DNAH3: variants seen among roughly 807,000 people sequenced by gnomAD.
DNAH3 encodes the protein dynein axonemal heavy chain 3, also known as axonemal beta dynein heavy chain 3.
A neutral mutation model predicts 432.5 loss-of-function variants in DNAH3; 332 were observed. That is an observed-to-expected ratio of 0.77 (90% confidence interval 0.70 to 0.84). The LOEUF is 0.84. DNAH3 is among the 40% of genes least tolerant of loss of function. DNAH3 has a pLI of 0.00. For synonymous variants in DNAH3, 1,956 were observed against 1,900.2 expected (o/e 1.03, Z -0.76); for missense variants, 4,861 against 5,114.0 (o/e 0.95, Z 1.51).
chr16:20,988,647 TAA>T (rs1244937303), intron 44 of DNAH3, among the ~76,000 whole-genome samples: 4 of 152,250 alleles, frequency 2.6e-5, no homozygotes, highest in Non-Finnish European at 2.9e-5. Flanking sequence ...ATGATCATTG[TAA>T]AAGAGTCTAT....
intron 44 of DNAH3, among the ~76,000 whole-genome samples, chr16:20,996,009 T>A (rs2086747978): frequency 6.6e-6 from 1 of 152,252 alleles, no homozygotes; most frequent in African/African-American, 2.4e-5. Context: ...TGGTTTGCTG[T>A]CACCCAATTT....
intron 38 of DNAH3, among the ~76,000 whole-genome samples, chr16:21,026,700 CAAAAAA>C (rs35667454): frequency 2.1e-5 from 1 of 47,810 alleles, no homozygotes; most frequent in Non-Finnish European, 4.1e-5. Flanking sequence ...TACTCCGTCT[CAAAAAA>C]AAAAAAAAAA....
At chr16:21,009,847 T>A (rs1411514722) in intron 41 of DNAH3, among the ~76,000 whole-genome samples, 1 of 141,648 alleles carries the variant, frequency 7.1e-6, no homozygotes, top group South Asian at 2.3e-4. Flanking sequence ...ACTACGCCAC[T>A]GCACTCCAGC....
At chr16:21,042,746 G>A (rs910769853) in intron 31 of DNAH3, among the ~76,000 whole-genome samples, 4 of 151,700 alleles carry the variant, frequency 2.6e-5, no homozygotes, top group Admixed American at 1.3e-4. Flanking sequence ...ATATATACAT[G>A]TGCCATGCTG....
At chr16:20,988,960 C>T (rs968032868) in intron 44 of DNAH3, among the ~76,000 whole-genome samples, 2 of 152,140 alleles carry the variant, frequency 1.3e-5, no homozygotes, top group Non-Finnish European at 2.9e-5. Flanking sequence ...GACTCGTGGT[C>T]TCGCTGGCTT....
At chr16:21,107,546 A>G (rs2091976673) in intron 14 of DNAH3, among the ~76,000 whole-genome samples, 2 of 151,844 alleles carry the variant, frequency 1.3e-5, no homozygotes, top group South Asian at 4.2e-4. Context: ...AGCCTTAATC[A>G]TTGCTTTTAA....
chr16:21,057,041 A>G (rs2090160166), intron 27 of DNAH3, among the ~76,000 whole-genome samples: 1 of 152,198 alleles, frequency 6.6e-6, no homozygotes, highest in African/African-American at 2.4e-5. Context: ...ATCCTCTAAG[A>G]GGAGTAACAG....
At chr16:21,092,698 CAAAAAAAAAAAAAA>C (rs61277332) in intron 18 of DNAH3, among the ~76,000 whole-genome samples, 1 of 11,538 alleles carries the variant, frequency 8.7e-5, no homozygotes, top group Non-Finnish European at 1.6e-4. Flanking sequence ...AAAATATTTG[CAAAAAAAAAAAAAA>C]AAAAAAAAAA....
intron 23 of DNAH3, among the ~76,000 whole-genome samples, chr16:21,067,763 G>GGGGC: frequency 1.2e-5 from 1 of 85,780 alleles, no homozygotes; most frequent in South Asian, 6.2e-4. Flanking sequence ...GTCTTGGGGG[G>GGGGC]GGGGGTGGGG....
At chr16:21,124,761 T>C (rs958948726) in intron 9 of DNAH3, among the ~76,000 whole-genome samples, 1 of 152,184 alleles carries the variant, frequency 6.6e-6, no homozygotes, top group African/African-American at 2.4e-5. Context: ...GCAATTCTCC[T>C]GCCTCAGCCT....
intron 57 of DNAH3, among the ~76,000 whole-genome samples, chr16:20,947,338 T>C (rs1226735088): frequency 2.0e-5 from 3 of 152,206 alleles, no homozygotes; most frequent in Non-Finnish European, 2.9e-5. Context: ...TCTCTTCATC[T>C]ATATCTTTTG....
At chr16:20,946,546 G>A (rs1014690412) in intron 57 of DNAH3, among the ~76,000 whole-genome samples, 7 of 152,154 alleles carry the variant, frequency 4.6e-5, no homozygotes, top group African/African-American at 1.7e-4. Context: ...ATTTTACAGG[G>A]TAAGAAAGAG....
At position 20,974,083 on chromosome 16, in the gene DNAH3, G is replaced by A. The variant is rs539168257; in HGVS notation, c.8259+1150C>T. ...GTCACCCAGGCTGGAGTGCAGTGGT[G>A]CGACCTGGACCCACTGTAGCCTCGA... On this transcript the variant is annotated intron_variant, in intron 51 of 61. Transcript: ENST00000261383. 7.2e-5 allele frequency among the ~76,000 whole-genome samples: 11 copies of A among 152,228 alleles called. No individual in the cohort carries two copies. In the South Asian group the frequency reaches 2.1e-3, roughly 29 times the overall value.
intron 14 of DNAH3, 107 bp from the exon 15 acceptor site, chr16:21,106,781 GAA>G: frequency 1.0e-6 from 1 of 962,416 alleles, no homozygotes; most frequent in Non-Finnish European, 1.4e-6. Context: ...ATTCCTATTT[GAA>G]AAAAAAAGAA....
chr16:21,111,173 T>A (rs1313632135), intron 14 of DNAH3, among the ~76,000 whole-genome samples: 1 of 152,158 alleles, frequency 6.6e-6, no homozygotes, highest in African/African-American at 2.4e-5. Context: ...AACCTCCTTT[T>A]GAAAAAGAAA....
exon 54 of DNAH3, chr16:20,959,247 G>A: frequency 3.7e-6 from 6 of 1,614,198 alleles, no homozygotes; most frequent in Non-Finnish European, 5.1e-6. Context: ...TAGGCATCCA[G>A]CTTGCGGCCA....
intron 40 of DNAH3, 69 bp downstream of exon 40, chr16:21,021,902 C>CA (rs367559943): frequency 4.4e-3 from 5,720 of 1,309,082 alleles, no homozygotes; most frequent in South Asian, 6.2e-3. Context: ...GACTTCATCT[C>CA]AAAAAAAAAA....
At chr16:21,121,594 TTTTC>T (rs2092341812) in intron 10 of DNAH3, among the ~76,000 whole-genome samples, 1 of 151,736 alleles carries the variant, frequency 6.6e-6, no homozygotes, top group Admixed American at 6.6e-5. Context: ...CTTTTTTTTT[TTTTC>T]TTTTTTCTTT....
At chr16:20,935,808 A>G (rs558881811) in intron 60 of DNAH3, among the ~76,000 whole-genome samples, 1 of 148,602 alleles carries the variant, frequency 6.7e-6, no homozygotes, top group South Asian at 2.2e-4. Context: ...ATGCCATTGC[A>G]CTCCAGCCTG....
Sources: allele counts gnomAD v4.1 joint callset (sites outside exome capture counted in the v4.1 genomes callset), GRCh38; gene constraint gnomAD v4.1.1; transcripts MANE v1.5; gene names NCBI Gene and HGNC (gene_info 2026-07-23, HGNC 2026-07-21).